Variants in SLC44A3 observed in about 807,000 individuals in gnomAD.
SLC44A3 encodes the protein choline transporter-like protein 3.
In SLC44A3, 74 loss-of-function variants were observed where a neutral mutation model predicts 75.4. The ratio of observed to expected loss-of-function variants is 0.98; its 90% CI spans 0.81 to 1.19. The LOEUF is 1.19. SLC44A3 is among the 50% of genes most tolerant of loss of function. The probability of loss-of-function intolerance (pLI) is 0.00; values close to 1 mark genes in which losing one functional copy is unlikely to be tolerated. For missense variants in SLC44A3, 700 were observed against 778.6 expected (o/e 0.90, Z 1.20); for synonymous variants, 310 against 296.9 (o/e 1.04, Z -0.45).
chr1:94,876,463 C>T (rs569387380), intron 12 of SLC44A3, among the ~76,000 whole-genome samples: 6 of 152,264 alleles, frequency 3.9e-5, no homozygotes, highest in African/African-American at 1.4e-4. Context: ...GCACGTTCCT[C>T]GGCTGTCATT....
intron 5 of SLC44A3, among the ~76,000 whole-genome samples, chr1:94,834,943 T>A (rs1557813276): frequency 6.6e-6 from 1 of 152,170 alleles, no homozygotes; most frequent in East Asian, 1.9e-4. Flanking sequence ...AACTAGGTGA[T>A]CAAGGTCAAC....
intron 9 of SLC44A3, among the ~76,000 whole-genome samples, chr1:94,849,045 CTGTGCCCCT>C (rs1339489298): frequency 1.4e-5 from 2 of 144,730 alleles, no homozygotes; most frequent in African/African-American, 5.8e-5. Flanking sequence ...AACTGCCAGC[CTGTGCCCCT>C]TAACTGCCAG....
At chr1:94,824,438 G>A in intron 2 of SLC44A3, 55 bp from the exon 3 acceptor site, 17 of 1,527,950 alleles carry the variant, frequency 1.1e-5, no homozygotes, top group Non-Finnish European at 1.4e-5. Flanking sequence ...AGGGGTGTGG[G>A]GCACTGTGCG....
chr1:94,858,497 C>G (rs1666178893), intron 10 of SLC44A3, among the ~76,000 whole-genome samples: 1 of 152,124 alleles, frequency 6.6e-6, no homozygotes. Context: ...GGAACCCAGC[C>G]AGGGCAATGG....
chr1:94,854,683 G>A (rs1025211073), intron 9 of SLC44A3, among the ~76,000 whole-genome samples: 6 of 152,156 alleles, frequency 3.9e-5, no homozygotes, highest in African/African-American at 1.2e-4. Context: ...AAGCCAGAGC[G>A]CCCCTGAACG....
At chr1:94,827,666 T>C (rs958241832) in intron 4 of SLC44A3, 23 bp downstream of exon 4, 3 of 1,612,332 alleles carry the variant, frequency 1.9e-6, no homozygotes, top group Non-Finnish European at 2.5e-6. Flanking sequence ...GCCTGGTTTG[T>C]TCTTTTCCCC....
In SLC44A3 at chr1:94,891,142, A is replaced by G. The variant is rs774492023; in HGVS notation, c.1495A>G (p.Thr499Ala). The G allele has an allele frequency of 3.7e-6, 6 of 1,607,650 alleles. No individual in the cohort carries two copies. The highest frequency in any genetic ancestry group is 4.2e-6 in the Non-Finnish European group (5 of 1,178,092). ...LLHLNQNAYTTTAINGTDFCT... is the reference protein window; with the variant it reads ...LLHLNQNAYTATAINGTDFCT... Reference sequence around the variant, plus strand: ...TCTTCTGTTTCAGAATGCATATACTACAACTGCTATTAATGGGACAGATTT... The same window carrying G: ...TCTTCTGTTTCAGAATGCATATACTGCAACTGCTATTAATGGGACAGATTT... The change falls in exon 13 of 15, where the codon ACA becomes GCA. Residue 499 changes from threonine (T) to alanine (A), a missense_variant. Transcript: ENST00000271227.
intron 9 of SLC44A3, among the ~76,000 whole-genome samples, chr1:94,852,713 A>G (rs698958): frequency 0.45 from 67,757 of 152,036 alleles, 15,846 homozygotes; most frequent in East Asian, 0.61. Context: ...TGGAAGTGGC[A>G]TGACATATTA....
At chr1:94,849,601 G>A (rs1331365845) in intron 9 of SLC44A3, among the ~76,000 whole-genome samples, 1 of 152,222 alleles carries the variant, frequency 6.6e-6, no homozygotes, top group Non-Finnish European at 1.5e-5. Context: ...AGAGGCGCCA[G>A]GTGATCGGGT....
rs564596777 is a variant in SLC44A3 at position 94,894,781 on chromosome 1, A to G, written c.1858-37A>G. 25 of 1,551,742 alleles carry G rather than the reference A, an allele frequency of 1.6e-5. No individual in the cohort carries two copies. In the South Asian group the frequency reaches 2.7e-4, roughly 17 times the overall value. Reference sequence around the variant, plus strand: ...CCCCTACGTTATCAACAGTACAGACACATAATACTATTCTAACTTGTTCTT... The same window carrying G: ...CCCCTACGTTATCAACAGTACAGACGCATAATACTATTCTAACTTGTTCTT... On this transcript the variant is annotated intron_variant, in intron 14 of 14. Transcript: ENST00000271227.
At position 94,860,779 on chromosome 1, in the gene SLC44A3, C is replaced by G. The variant is rs375273825; in HGVS notation, c.1238+3279C>G. 1.1e-4 allele frequency among the ~76,000 whole-genome samples: 16 copies of G among 152,346 alleles called. 1 individual carries two copies. Among genetic ancestry groups the G allele is most frequent in the Admixed American group, 7.8e-4 (12 of 15,302 alleles). ...CAAGATTTCCCTGCCCTCATCCTTT[C>G]TAGCAGGGATGTTCCCCACTGAAAC... On this transcript the variant is annotated intron_variant, in intron 10 of 14. Transcript: ENST00000271227.
chr1:94,891,831 G>A (rs1670248855), intron 13 of SLC44A3, among the ~76,000 whole-genome samples: 1 of 152,094 alleles, frequency 6.6e-6, no homozygotes, highest in Non-Finnish European at 1.5e-5. Flanking sequence ...GCTGAGGCAG[G>A]AGAATCACTT....
chr1:94,832,195 C>T (rs939863006), intron 5 of SLC44A3, among the ~76,000 whole-genome samples: 2 of 151,928 alleles, frequency 1.3e-5, no homozygotes, highest in Non-Finnish European at 2.9e-5. Context: ...CCTACCCCAG[C>T]TAATGAAATA....
Position 94,841,986 on chromosome 1 carries a change from G to T in SLC44A3, c.761-14G>T. The T allele has an allele frequency of 6.2e-7, 1 of 1,604,596 alleles. No homozygotes were observed. The highest frequency in any genetic ancestry group is 8.5e-7 in the Non-Finnish European group (1 of 1,176,466). On this transcript the variant is annotated splice_polypyrimidine_tract_variant and intron_variant, in intron 7 of 14. Transcript: ENST00000271227. ...GGCGTGTGCCCTGAGCTCTGCTACT[G>T]TTCTCTTTTCTAGTTGTCTGCGGTG... is the stretch of plus-strand genomic sequence containing the variant.
intron 10 of SLC44A3, among the ~76,000 whole-genome samples, chr1:94,857,955 A>T (rs751576749): frequency 6.6e-6 from 1 of 151,948 alleles, no homozygotes; most frequent in Non-Finnish European, 1.5e-5. Flanking sequence ...CTGGGACTAA[A>T]GGCATGCGCC....
At chr1:94,843,578 G>A (rs859111) in intron 8 of SLC44A3, 81,171 of 151,926 alleles carry the variant, frequency 0.53, 21,923 homozygotes, top group East Asian at 0.74. Context: ...GTTGACGGCA[G>A]AAACGCTCCA....
At chr1:94,864,564 G>A (rs375062690) in intron 10 of SLC44A3, among the ~76,000 whole-genome samples, 179 bp from the exon 11 acceptor site, 29 of 152,000 alleles carry the variant, frequency 1.9e-4, no homozygotes, top group African/African-American at 5.6e-4. Flanking sequence ...GCACCAAAAC[G>A]AATTAAATTA....
chr1:94,877,916 C>T (rs1668468885), intron 12 of SLC44A3, among the ~76,000 whole-genome samples: 1 of 152,130 alleles, frequency 6.6e-6, no homozygotes, highest in Admixed American at 6.5e-5. Flanking sequence ...GCCATGCCCA[C>T]GTCTTGCTTC....
At chr1:94,827,103 G>A (rs1440711394) in intron 3 of SLC44A3, among the ~76,000 whole-genome samples, 1 of 152,202 alleles carries the variant, frequency 6.6e-6, no homozygotes, top group African/African-American at 2.4e-5. Flanking sequence ...CCTGTGTTCA[G>A]TTATTCTCTG....
Sources: allele counts gnomAD v4.1 joint callset (sites outside exome capture counted in the v4.1 genomes callset), GRCh38; gene constraint gnomAD v4.1.1; transcripts MANE v1.5; gene names NCBI Gene and HGNC (gene_info 2026-07-23, HGNC 2026-07-21).